The following JPH3 variants were observed in gnomAD, a reference collection of about 807,000 sequenced individuals.
JPH3 encodes the protein junctophilin 3.
In JPH3, 11 loss-of-function variants were observed where a neutral mutation model predicts 59.6. The observed-to-expected ratio is 0.18, with a 90% CI of 0.12 to 0.31. The LOEUF is 0.31. JPH3 is among the 10% of genes least tolerant of loss of function. JPH3 has a pLI of 1.00. For synonymous variants in JPH3, 673 were observed against 483.6 expected, an observed-to-expected ratio of 1.39 and a Z score of -5.14; for missense variants, 1,202 against 1,105.7, an observed-to-expected ratio of 1.09 and a Z score of -1.24.
chr16:87,612,741 C>T (rs568721811), intron 1 of JPH3, among the ~76,000 whole-genome samples: 6 of 152,102 alleles, frequency 3.9e-5, no homozygotes, highest in Middle Eastern at 3.2e-3. Flanking sequence ...AGAGGCCGGG[C>T]GTGGTGGCTC....
At chr16:87,645,381 C>T (rs1360741864) in intron 2 of JPH3, among the ~76,000 whole-genome samples, 2 of 152,222 alleles carry the variant, frequency 1.3e-5, no homozygotes, top group Non-Finnish European at 2.9e-5. Context: ...CATTGGAGTG[C>T]TGCTGTGCTA....
At chr16:87,633,495 T>TTATATA (rs926816158) in intron 1 of JPH3, among the ~76,000 whole-genome samples, 1 of 145,548 alleles carries the variant, frequency 6.9e-6, no homozygotes, top group African/African-American at 2.7e-5. Context: ...AAAAAAAAAT[T>TTATATA]TATATATATA....
chr16:87,696,319 G>C (rs559876283), intron 4 of JPH3, among the ~76,000 whole-genome samples: 4 of 151,950 alleles, frequency 2.6e-5, no homozygotes, highest in African/African-American at 9.7e-5. Flanking sequence ...TCAGGGTGTC[G>C]GGGCCACAAG....
intron 1 of JPH3, among the ~76,000 whole-genome samples, chr16:87,633,778 A>G (rs918969919): frequency 1.1e-4 from 16 of 152,182 alleles, no homozygotes; most frequent in African/African-American, 3.6e-4. Flanking sequence ...AGCCTGGGCG[A>G]CAGAATGAGA....
chr16:87,641,776 C>T (rs567201390), intron 1 of JPH3, among the ~76,000 whole-genome samples: 2 of 152,398 alleles, frequency 1.3e-5, no homozygotes, highest in African/African-American at 4.8e-5. Flanking sequence ...CTTTGCACGC[C>T]CCTTCTCTGC....
chr16:87,637,655 C>T (rs565716692), intron 1 of JPH3, among the ~76,000 whole-genome samples: 20 of 152,240 alleles, frequency 1.3e-4, no homozygotes, highest in African/African-American at 4.8e-4. Flanking sequence ...CTGGGACTTT[C>T]TCGGGGACAA....
At chr16:87,692,833 C>T (rs1479939922) in intron 4 of JPH3, among the ~76,000 whole-genome samples, 2 of 152,214 alleles carry the variant, frequency 1.3e-5, no homozygotes, top group East Asian at 1.9e-4. Context: ...CGCCCTCGCC[C>T]ACAGCGTCCG....
In JPH3 at chr16:87,607,604, G is replaced by A. The variant is rs530756174; in HGVS notation, c.382+4076G>A. On this transcript the variant is annotated intron_variant, in intron 1 of 4. Transcript: ENST00000284262. ...TAAACGGGGAGCTCAGATGACAGAGGCAGTGGTGTGCTTCGTTTCCATTTT... is the reference window on the plus strand; with the variant it reads ...TAAACGGGGAGCTCAGATGACAGAGACAGTGGTGTGCTTCGTTTCCATTTT... Among the ~76,000 whole-genome samples the A allele has an allele frequency of 1.9e-3, 294 of 152,382 alleles. 1 individual carries two copies. Among genetic ancestry groups the A allele is most frequent in the African/African-American group, 6.7e-3 (280 of 41,586 alleles).
At chr16:87,679,740 G>A (rs1262530732) in intron 2 of JPH3, among the ~76,000 whole-genome samples, 5 of 152,352 alleles carry the variant, frequency 3.3e-5, no homozygotes, top group African/African-American at 4.8e-5. Flanking sequence ...GCCTTAGTCC[G>A]GGTGGCCACC....
At chr16:87,669,525 A>T (rs1003870635) in intron 2 of JPH3, among the ~76,000 whole-genome samples, 1 of 152,140 alleles carries the variant, frequency 6.6e-6, no homozygotes, top group Non-Finnish European at 1.5e-5. Context: ...GCTTCTGTGA[A>T]TTGGGGTGAC....
intron 3 of JPH3, among the ~76,000 whole-genome samples, chr16:87,686,681 T>TC (rs2033427005): frequency 6.6e-6 from 1 of 150,860 alleles, no homozygotes; most frequent in Non-Finnish European, 1.5e-5. Flanking sequence ...AGTCCTGGAG[T>TC]CAGAGATGCT....
rs577433380 is a variant in JPH3, at chr16:87,665,274, C to T, written c.1161-18868C>T. Reference sequence around the variant, plus strand: ...GGGACCTGCTGTTATATCGGGGGCTCCCATTGCAAAGCCCCTGCGTGGGCT... The same window carrying T: ...GGGACCTGCTGTTATATCGGGGGCTTCCATTGCAAAGCCCCTGCGTGGGCT... On this transcript the variant is annotated intron_variant, in intron 2 of 4. Transcript: ENST00000284262. 4.6e-5 allele frequency among the ~76,000 whole-genome samples: 7 copies of T among 152,336 alleles called. No individual in the cohort carries two copies. The South Asian group carries it at 6.2e-4, about 14-fold the overall frequency.
chr16:87,630,087 C>T (rs555294316), intron 1 of JPH3, among the ~76,000 whole-genome samples: 9 of 152,294 alleles, frequency 5.9e-5, no homozygotes, highest in African/African-American at 1.7e-4. Context: ...CCAGTTGGGG[C>T]GTGGCTGCTC....
At chr16:87,607,770 C>G (rs1044155744) in intron 1 of JPH3, among the ~76,000 whole-genome samples, 4 of 152,148 alleles carry the variant, frequency 2.6e-5, no homozygotes, top group African/African-American at 7.2e-5. Flanking sequence ...AAATGAGTGC[C>G]CAGGTTAGAA....
At chr16:87,635,138 C>T (rs746429006) in intron 1 of JPH3, among the ~76,000 whole-genome samples, 92 of 152,294 alleles carry the variant, frequency 6.0e-4, no homozygotes, top group Non-Finnish European at 1.1e-3. Context: ...CTGGGCAGGG[C>T]TGTGGCCATG....
chr16:87,677,699 G>A (rs2150870714), intron 2 of JPH3, among the ~76,000 whole-genome samples: 1 of 152,304 alleles, frequency 6.6e-6, no homozygotes, highest in South Asian at 2.1e-4. Context: ...AGATCCAAAG[G>A]AATTGGCTGG....
intron 2 of JPH3, among the ~76,000 whole-genome samples, chr16:87,656,917 C>T (rs774404910): frequency 3.0e-4 from 46 of 152,302 alleles, no homozygotes; most frequent in Middle Eastern, 3.4e-3. Context: ...GCTCTGTTCA[C>T]GGGGCTTTCC....
At chr16:87,634,445 C>T (rs1477271264) in intron 1 of JPH3, among the ~76,000 whole-genome samples, 4 of 152,214 alleles carry the variant, frequency 2.6e-5, no homozygotes, top group African/African-American at 7.2e-5. Flanking sequence ...CTTCTGAGTT[C>T]CCTCAGGGTG....
intron 2 of JPH3, among the ~76,000 whole-genome samples, chr16:87,652,255 G>T (rs1036260814): frequency 2.6e-5 from 4 of 152,184 alleles, no homozygotes; most frequent in Admixed American, 6.5e-5. Flanking sequence ...GATTACAGGC[G>T]TGAGCCACCG....
Sources: gnomAD v4.1 joint callset for allele counts (sites outside exome capture counted in the v4.1 genomes callset) on GRCh38, gnomAD v4.1.1 for gene constraint, MANE v1.5 for transcripts, NCBI Gene and HGNC (gene_info 2026-07-23, HGNC 2026-07-21) for gene names.